Variants in CACNA1E observed in about 807,000 individuals in gnomAD.
CACNA1E encodes calcium voltage-gated channel subunit alpha1 E, also known as voltage-dependent R-type calcium channel subunit alpha-1E.
A neutral mutation model predicts 259.2 loss-of-function variants in CACNA1E; 40 were observed. The observed-to-expected ratio is 0.15, with a 90% CI of 0.12 to 0.20. The LOEUF is 0.20. CACNA1E is among the 10% of genes least tolerant of loss of function. CACNA1E has a pLI of 1.00. For synonymous variants in CACNA1E, 1,104 were observed against 1,138.5 expected (o/e 0.97, Z 0.61); for missense variants, 1,874 against 3,040.1 (o/e 0.62, Z 9.02).
chr1:181,636,399 A>G (rs941964557), intron 6 of CACNA1E, among the ~76,000 whole-genome samples: 1 of 152,236 alleles, frequency 6.6e-6, no homozygotes, highest in Admixed American at 6.5e-5. Context: ...GTCAAAACAT[A>G]TATAGTAATT....
chr1:181,484,677 C>T (rs916398675), intron 1 of CACNA1E, among the ~76,000 whole-genome samples: 1 of 152,204 alleles, frequency 6.6e-6, no homozygotes, highest in African/African-American at 2.4e-5. Context: ...TTGGAGTTCT[C>T]CTCTCAGCCA....
At chr1:181,446,374 C>T (rs750043229) in intron 2 of CACNA1E, among the ~76,000 whole-genome samples, 2 of 152,234 alleles carry the variant, frequency 1.3e-5, no homozygotes, top group Non-Finnish European at 1.5e-5. Flanking sequence ...CGTCAGCATA[C>T]AGTCGGCCTA....
chr1:181,440,036 TA>T (rs1181348181), intron 2 of CACNA1E, among the ~76,000 whole-genome samples: 1 of 152,208 alleles, frequency 6.6e-6, no homozygotes, highest in Admixed American at 6.5e-5. Context: ...AATAAAGACC[TA>T]CATTTATAGA....
intron 1 of CACNA1E, among the ~76,000 whole-genome samples, chr1:181,372,017 G>A (rs924941745): frequency 2.0e-5 from 3 of 152,132 alleles, no homozygotes; most frequent in South Asian, 2.1e-4. Context: ...GTTGGGTAAC[G>A]TGATACCTCA....
At chr1:181,631,574 G>T (rs114234981) in intron 6 of CACNA1E, among the ~76,000 whole-genome samples, 1 of 152,146 alleles carries the variant, frequency 6.6e-6, no homozygotes, top group African/African-American at 2.4e-5. Context: ...TGCCTGGGCC[G>T]TATTCCCAGA....
intron 7 of CACNA1E, among the ~76,000 whole-genome samples, chr1:181,707,489 C>T (rs1034547930): frequency 6.6e-6 from 1 of 152,086 alleles, no homozygotes; most frequent in African/African-American, 2.4e-5. Flanking sequence ...AACCTGGAAC[C>T]GGAAGAGGTT....
Position 181,523,464 on chromosome 1 carries a change from G to A in CACNA1E, c.512+11954G>A, listed in dbSNP as rs571375982. On this transcript the variant is annotated intron_variant, in intron 3 of 47. Coordinates refer to ENST00000367573, the MANE Select transcript of CACNA1E (RefSeq NM_001205293.3). The stretch of plus-strand genomic sequence containing the variant: ...TTTAATTTATTCAATATAGCATAGT[G>A]ATTAAGAATTTGGGCTTCATAGACA... 2.6e-3 allele frequency among the ~76,000 whole-genome samples: 391 copies of A among 152,286 alleles called. 1 individual carries two copies. The highest frequency in any genetic ancestry group is 4.7e-3 in the Non-Finnish European group (317 of 68,030).
chr1:181,468,685 A>G (rs1051330434), intron 2 of CACNA1E, among the ~76,000 whole-genome samples: 2 of 152,144 alleles, frequency 1.3e-5, no homozygotes, highest in East Asian at 3.8e-4. Flanking sequence ...GGAGAGAGAG[A>G]TCACTTTTGT....
intron 35 of CACNA1E, 31 bp from the exon 36 acceptor site, chr1:181,771,262 C>T: frequency 1.6e-6 from 2 of 1,244,478 alleles, no homozygotes; most frequent in Non-Finnish European, 2.3e-6. Context: ...CTTGGTAATG[C>T]TCACTGTTTT....
intron 1 of CACNA1E, among the ~76,000 whole-genome samples, chr1:181,506,299 G>A (rs1665704051): frequency 6.6e-6 from 1 of 152,246 alleles, no homozygotes; most frequent in Non-Finnish European, 1.5e-5. Context: ...TCACTTTGGG[G>A]ATGTAGCAGA....
chr1:181,714,810 A>T (rs779764585), intron 8 of CACNA1E, among the ~76,000 whole-genome samples: 1 of 152,176 alleles, frequency 6.6e-6, no homozygotes, highest in Non-Finnish European at 1.5e-5. Flanking sequence ...GAAACCCACA[A>T]GCCCCCCTCC....
intron 6 of CACNA1E, among the ~76,000 whole-genome samples, chr1:181,587,655 G>A (rs1652200848): frequency 1.3e-5 from 2 of 151,984 alleles, no homozygotes; most frequent in African/African-American, 4.8e-5. Context: ...AGGCCGAGGC[G>A]GGCGGATCAC....
At chr1:181,777,324 A>C (rs1281184823) in intron 38 of CACNA1E, among the ~76,000 whole-genome samples, 2 of 152,208 alleles carry the variant, frequency 1.3e-5, no homozygotes, top group African/African-American at 2.4e-5. Flanking sequence ...TATCCTTTAC[A>C]GGCATGGACC....
At chr1:181,718,531 C>T (rs1052386621) in intron 12 of CACNA1E, among the ~76,000 whole-genome samples, 2 of 150,318 alleles carry the variant, frequency 1.3e-5, no homozygotes, top group African/African-American at 2.5e-5. Context: ...GAGGTGGTTC[C>T]ATAGGAAAGA....
chr1:181,476,371 C>G (rs2102431517), intron 2 of CACNA1E, among the ~76,000 whole-genome samples: 1 of 152,262 alleles, frequency 6.6e-6, no homozygotes, highest in East Asian at 1.9e-4. Flanking sequence ...CAGGTGGTGG[C>G]TTAATCTGCT....
At position 181,521,607 on chromosome 1, in the gene CACNA1E, G is replaced by A. The variant is rs142190746; in HGVS notation, c.512+10097G>A. ...AAACATTGTGCTGACTGCTAGGGACGCAGCACTGGATGGAGATATAGCCTC... is the reference window on the plus strand; with the variant it reads ...AAACATTGTGCTGACTGCTAGGGACACAGCACTGGATGGAGATATAGCCTC... On this transcript the variant is annotated intron_variant, in intron 3 of 47. Transcript: ENST00000367573. Among the ~76,000 whole-genome samples the A allele has an allele frequency of 4.4e-3, 664 of 152,304 alleles. 1 individual carries two copies. Among genetic ancestry groups the A allele is most frequent in the African/African-American group, 0.015 (630 of 41,570 alleles).
Position 181,528,308 on chromosome 1 carries a change from C to T in CACNA1E, c.512+16798C>T, listed in dbSNP as rs1218742561. Among the ~76,000 whole-genome samples the T allele has an allele frequency of 5.3e-5, 8 of 150,440 alleles. No individual in the cohort carries two copies. The East Asian group carries it at 9.7e-4, about 18-fold the overall frequency. Reference sequence around the variant, plus strand: ...GCCATGTAAGAAGTATGTTTCACCTCCTGCCATTATTCTGAGGCCTCCCCA... The same window carrying T: ...GCCATGTAAGAAGTATGTTTCACCTTCTGCCATTATTCTGAGGCCTCCCCA... On this transcript the variant is annotated intron_variant, in intron 3 of 47. Coordinates refer to ENST00000367573, the MANE Select transcript of CACNA1E (RefSeq NM_001205293.3).
chr1:181,507,019 A>G (rs1022036750), intron 1 of CACNA1E, among the ~76,000 whole-genome samples: 1 of 151,572 alleles, frequency 6.6e-6, no homozygotes, highest in Non-Finnish European at 1.5e-5. Context: ...TCTCAAGGGC[A>G]TATATATCTG....
chr1:181,718,591 T>G (rs1213424486), intron 12 of CACNA1E, among the ~76,000 whole-genome samples: 1 of 147,900 alleles, frequency 6.8e-6, no homozygotes, highest in Admixed American at 6.9e-5. Flanking sequence ...GGGATAATTA[T>G]CTAGATAGAC....
Sources: gnomAD v4.1 joint callset for allele counts (sites outside exome capture counted in the v4.1 genomes callset) on GRCh38, gnomAD v4.1.1 for gene constraint, MANE v1.5 for transcripts, NCBI Gene and HGNC (gene_info 2026-07-23, HGNC 2026-07-21) for gene names.